Variants in KLF12 observed in about 807,000 individuals in gnomAD.
The protein encoded by KLF12 is KLF transcription factor 12, also known as Krueppel-like factor 12.
KLF12 carries 9 observed loss-of-function variants against 37.8 expected under a neutral mutation model. The ratio of observed to expected loss-of-function variants is 0.24; its 90% CI spans 0.14 to 0.42. The LOEUF is 0.42. Ranked by LOEUF, KLF12 falls within the 10% of genes least tolerant of loss-of-function variation. The pLI, the probability that KLF12 is intolerant of heterozygous loss-of-function variation, is 1.00. For missense variants in KLF12, 411 were observed against 516.0 expected (o/e 0.80, Z 1.97); for synonymous variants, 208 against 202.1 (o/e 1.03, Z -0.25).
At chr13:74,252,114 T>C in the KLF12 span, among the ~76,000 whole-genome samples, 1 of 152,138 alleles carries the variant, frequency 6.6e-6, no homozygotes, top group Non-Finnish European at 1.5e-5. Context: ...TCTTATACCA[T>C]GTTGTTTTGT....
chr13:74,024,126 C>T (rs1306804135), intron 1 of KLF12, among the ~76,000 whole-genome samples: 1 of 152,114 alleles, frequency 6.6e-6, no homozygotes, highest in East Asian at 1.9e-4. Flanking sequence ...AAACATTTTC[C>T]AATAGATACA....
chr13:74,066,626 A>G (rs973103236), intron 1 of KLF12, among the ~76,000 whole-genome samples: 1 of 152,198 alleles, frequency 6.6e-6, no homozygotes, highest in African/African-American at 2.4e-5. Context: ...ACAATGAGGA[A>G]CTGCTTTTAT....
chr13:74,281,625 C>T, the KLF12 span, among the ~76,000 whole-genome samples: 1 of 152,112 alleles, frequency 6.6e-6, no homozygotes, highest in African/African-American at 2.4e-5. Flanking sequence ...TTTCTTCTGT[C>T]AAGGTAATGG....
At position 74,032,502 on chromosome 13, in the gene KLF12, T is replaced by C. The variant is rs564089778; in HGVS notation, c.-31-37449A>G. Among the ~76,000 whole-genome samples, 214 of 152,296 alleles carry C rather than the reference T, an allele frequency of 1.4e-3. 2 individuals carry two copies. The highest frequency in any genetic ancestry group is 5.0e-3 in the African/African-American group (206 of 41,566). ...TTGTATCTGCTACTTGCTCAGGCTA[T>C]TTTGCCTACAGAACGTGTTCTACTT... On this transcript the variant is annotated intron_variant, in intron 1 of 7. Transcript: ENST00000377669.
At chr13:74,265,496 C>A in the KLF12 span, among the ~76,000 whole-genome samples, 1 of 152,132 alleles carries the variant, frequency 6.6e-6, no homozygotes, top group Non-Finnish European at 1.5e-5. Context: ...TGGTCGTTTT[C>A]TGGTGTAAAT....
chr13:74,153,350 G>C, the KLF12 span, among the ~76,000 whole-genome samples: 23 of 152,266 alleles, frequency 1.5e-4, no homozygotes, highest in Admixed American at 1.1e-3. Context: ...AGATGTCAAG[G>C]AGGGACTGGC....
the KLF12 span, among the ~76,000 whole-genome samples, chr13:74,286,724 G>A: frequency 1.3e-5 from 2 of 152,182 alleles, no homozygotes; most frequent in African/African-American, 4.8e-5. Flanking sequence ...CAGCATCTGT[G>A]GTGTTAGGAC....
the KLF12 span, among the ~76,000 whole-genome samples, chr13:74,252,642 A>G: frequency 2.0e-4 from 30 of 152,350 alleles, no homozygotes; most frequent in East Asian, 3.7e-3. Flanking sequence ...CAGTGGCTCT[A>G]AATCAAATTA....
the KLF12 span, among the ~76,000 whole-genome samples, chr13:74,183,017 G>C: frequency 6.6e-6 from 1 of 152,242 alleles, no homozygotes; most frequent in South Asian, 2.1e-4. Flanking sequence ...GGAAAATGCT[G>C]CCCCTGACCA....
chr13:73,816,044 T>C (rs1883197743), intron 4 of KLF12, among the ~76,000 whole-genome samples: 1 of 152,236 alleles, frequency 6.6e-6, no homozygotes, highest in Non-Finnish European at 1.5e-5. Flanking sequence ...TCTGCTACCA[T>C]CATGCTGGGA....
the KLF12 span, among the ~76,000 whole-genome samples, chr13:74,252,462 C>A: frequency 2.0e-5 from 3 of 152,172 alleles, no homozygotes; most frequent in African/African-American, 7.2e-5. Context: ...AAAGACTGAC[C>A]CTATCACTGT....
intron 3 of KLF12, among the ~76,000 whole-genome samples, chr13:73,876,159 A>T (rs889955504): frequency 6.6e-6 from 1 of 152,218 alleles, no homozygotes; most frequent in Non-Finnish European, 1.5e-5. Context: ...AAATAAAAAA[A>T]AAAAAAAAAG....
At chr13:73,736,552 A>G (rs934403015) in intron 6 of KLF12, among the ~76,000 whole-genome samples, 1 of 152,180 alleles carries the variant, frequency 6.6e-6, no homozygotes, top group Non-Finnish European at 1.5e-5. Context: ...ATCAGGTGAT[A>G]TGTGTCTGCA....
Position 73,972,512 on chromosome 13 carries a change from T to C in KLF12, c.33+22478A>G, listed in dbSNP as rs116303835. On this transcript the variant is annotated intron_variant, in intron 2 of 7. Transcript: ENST00000377669. ...TCAGTAATATTGAGTATAACACCAATTGCATTTAAACATAAATGTCATAAG... is the reference window on the plus strand; with the variant it reads ...TCAGTAATATTGAGTATAACACCAACTGCATTTAAACATAAATGTCATAAG... Among the ~76,000 whole-genome samples the C allele has an allele frequency of 7.5e-3, 1,128 of 151,174 alleles. 18 individuals are homozygous for C. The highest frequency in any genetic ancestry group is 0.026 in the African/African-American group (1,084 of 41,022).
At chr13:74,198,803 C>T in the KLF12 span, among the ~76,000 whole-genome samples, 1 of 152,144 alleles carries the variant, frequency 6.6e-6, no homozygotes, top group Non-Finnish European at 1.5e-5. Flanking sequence ...CTCCCAATTT[C>T]TCTTCTAACT....
intron 3 of KLF12, among the ~76,000 whole-genome samples, chr13:73,931,899 C>T (rs1207320454): frequency 6.6e-6 from 1 of 150,522 alleles, no homozygotes; most frequent in Non-Finnish European, 1.5e-5. Context: ...TATAACAAAA[C>T]TTCAAGCAAC....
chr13:74,174,859 T>C, the KLF12 span, among the ~76,000 whole-genome samples: 1,314 of 152,328 alleles, frequency 8.6e-3, 22 homozygotes, highest in African/African-American at 0.029. Context: ...ATCTATTTGA[T>C]TTAAGGAGAA....
intron 2 of KLF12, among the ~76,000 whole-genome samples, chr13:73,956,412 C>T (rs58281273): frequency 5.9e-5 from 9 of 152,144 alleles, no homozygotes; most frequent in African/African-American, 1.9e-4. Flanking sequence ...GACATTTACA[C>T]CAGATAAGTC....
chr13:74,275,907 TTCTTTC>T, the KLF12 span, among the ~76,000 whole-genome samples: 1 of 146,146 alleles, frequency 6.8e-6, no homozygotes, highest in African/African-American at 2.5e-5. Flanking sequence ...CTTTCTTTCT[TTCTTTC>T]TTTCTTTCTT....
Sources: gnomAD v4.1 joint callset for allele counts (sites outside exome capture counted in the v4.1 genomes callset) on GRCh38, gnomAD v4.1.1 for gene constraint, MANE v1.5 for transcripts, NCBI Gene and HGNC (gene_info 2026-07-23, HGNC 2026-07-21) for gene names.